Variants in GTPBP4 observed in about 807,000 individuals in gnomAD.
The protein encoded by GTPBP4 is GTP binding protein 4.
In GTPBP4, 15 loss-of-function variants were observed where a neutral mutation model predicts 81.7. That is an observed-to-expected ratio of 0.18 (90% CI 0.12 to 0.28). GTPBP4 has a LOEUF of 0.28. Ranked by LOEUF, GTPBP4 falls within the 10% of genes least tolerant of loss-of-function variation. The probability of loss-of-function intolerance (pLI) is 1.00; values close to 1 mark genes in which losing one functional copy is unlikely to be tolerated. For synonymous variants in GTPBP4, 272 were observed against 274.6 expected, an observed-to-expected ratio of 0.99 and a Z score of 0.09; for missense variants, 847 against 793.8, an observed-to-expected ratio of 1.07 and a Z score of -0.81.
chr10:1,013,278 C>T (rs1589032025), intron 14 of GTPBP4, among the ~76,000 whole-genome samples: 2 of 151,670 alleles, frequency 1.3e-5, no homozygotes, highest in South Asian at 4.2e-4. Context: ...GCCACCACGC[C>T]CGGCTGGTTT....
chr10:1,000,750 C>T lies in GTPBP4; in HGVS notation c.728C>T (p.Ala243Val). ...RNTIEMQAIT[A>V]LAHLRAAVLY... The stretch of plus-strand genomic sequence containing the variant: ...ACCATCGAGATGCAGGCCATCACTG[C>T]CCTGGCCCACCTCCGTGCTGCGGTC... The change falls in exon 7 of 17, where the codon GCC (alanine) becomes GTC (valine). Residue 243 changes from alanine to valine, a missense_variant. This residue lies in a region of GTPBP4 where 600 missense variants were observed against 557.1 expected (regional missense o/e 1.08). Transcript: ENST00000360803. 1.2e-6 allele frequency: 2 copies of T among 1,602,388 alleles called. No individual in the cohort carries two copies. The highest frequency in any genetic ancestry group is 1.3e-5 in the African/African-American group (1 of 74,774).
chr10:1,007,415 A>T, intron 10 of GTPBP4: 1 of 278,306 alleles, frequency 3.6e-6, no homozygotes, highest in Non-Finnish European at 6.8e-6. Flanking sequence ...TTAAACACAG[A>T]TGGAAATCTG....
chr10:1,009,684 A>G (rs1315287618), intron 12 of GTPBP4, 104 bp downstream of exon 12: 18 of 786,868 alleles, frequency 2.3e-5, no homozygotes, highest in South Asian at 2.2e-4. Flanking sequence ...GTTTCAGCCT[A>G]TTTGTCAACT....
At chr10:1,007,583 A>C (rs1335611392) in intron 10 of GTPBP4, among the ~76,000 whole-genome samples, 2 of 152,242 alleles carry the variant, frequency 1.3e-5, no homozygotes, top group East Asian at 3.8e-4. Flanking sequence ...AAAAATAAAT[A>C]AAATAAATTT....
In GTPBP4 at chr10:1,012,664, C is replaced by T. The variant is rs750232306; in HGVS notation, c.1542+2C>T. On this transcript the variant is annotated splice_donor_variant, in intron 14 of 16. Coordinates refer to ENST00000360803, the MANE Select transcript of GTPBP4 (RefSeq NM_012341.3). LOFTEE classifies it low-confidence loss of function (GC_TO_GT_DONOR). ...AGGATGCCGCGAACTGCTAAGAAGG[C>T]AAGTTTGTGTCTTTCCAAAGCAGTG... 4 of 1,606,020 alleles carry T rather than the reference C, an allele frequency of 2.5e-6. No individual in the cohort carries two copies. The East Asian group carries it at 6.7e-5, about 27-fold the overall frequency.
At chr10:992,852 C>T (rs1831468956) in intron 2 of GTPBP4, among the ~76,000 whole-genome samples, 193 bp downstream of exon 2, 1 of 151,980 alleles carries the variant, frequency 6.6e-6, no homozygotes, top group South Asian at 2.1e-4. Context: ...TTTTTGATTC[C>T]CTAGTATTCT....
At chr10:995,488 A>G (rs1831522620) in intron 2 of GTPBP4, among the ~76,000 whole-genome samples, 2 of 89,936 alleles carry the variant, frequency 2.2e-5, no homozygotes, top group African/African-American at 9.5e-5. Context: ...GGAGAGACAC[A>G]GTGTGTCTTG....
rs11250223 is a variant in GTPBP4, at chr10:1,016,965, C to T, written c.1753-110C>T. ...GAAAAGAGATGTAACAGGGTCTCTTCGCTGAGCAGACCTGAGCCATTAAAC... is the reference window on the plus strand; with the variant it reads ...GAAAAGAGATGTAACAGGGTCTCTTTGCTGAGCAGACCTGAGCCATTAAAC... On this transcript the variant is annotated intron_variant, in intron 16 of 16. Transcript: ENST00000360803. 2,233 of 790,152 alleles carry T rather than the reference C, an allele frequency of 2.8e-3. 7 individuals are homozygous for T. The highest frequency in any genetic ancestry group is 4.0e-3 in the Non-Finnish European group (1,991 of 492,286). 48.9% of individuals were successfully genotyped at this position (790,152 alleles called of 1,614,324 possible).
rs1482089750 is a variant in GTPBP4 at position 1,008,997 on chromosome 10, A to G, written c.1153A>G (p.Arg385Gly). Residue 385 changes from arginine to glycine, a missense_variant, in exon 11 of 17, where the codon AGG (arginine) becomes GGG (glycine). Arg to Gly is a moderately radical substitution (Grantham distance 125). This residue lies in a region of GTPBP4 where 600 missense variants were observed against 557.1 expected (regional missense o/e 1.08). Coordinates refer to ENST00000360803, the MANE Select transcript of GTPBP4 (RefSeq NM_012341.3). ...PFIPEGVVAR[R>G]KRMETEESRK... is the part of the protein sequence containing the mutation. ...CATCCCTGAAGGAGTGGTGGCTCGC[A>G]GGAAGAGGATGGAAACTGAGGAGTC... 2 of 1,613,200 alleles carry G rather than the reference A, an allele frequency of 1.2e-6. No homozygotes were observed. The highest frequency in any genetic ancestry group is 1.1e-5 in the South Asian group (1 of 91,060).
At chr10:1,004,992 G>A (rs919093491) in intron 8 of GTPBP4, among the ~76,000 whole-genome samples, 25 of 152,306 alleles carry the variant, frequency 1.6e-4, no homozygotes, top group Non-Finnish European at 7.4e-5. Flanking sequence ...AGGGGGCTCC[G>A]GTGGTGAGGG....
At chr10:998,463 A>T (rs1325770370) in intron 5 of GTPBP4, among the ~76,000 whole-genome samples, 1 of 152,224 alleles carries the variant, frequency 6.6e-6, no homozygotes, top group Admixed American at 6.5e-5. Flanking sequence ...TTGCTGTGAC[A>T]TGGTGACCAG....
Position 1,000,783 on chromosome 10 carries a change from T to C in GTPBP4, c.761T>C (p.Val254Ala). ...LAHLRAAVLY[V>A]MDLSEQCGHG... ...CACCTCCGTGCTGCGGTCCTGTATG[T>C]GATGGATTTGTCTGAGCAGTGTGGG... The change falls in exon 7 of 17, where the codon GTG (valine) becomes GCG (alanine). Residue 254 changes from valine to alanine, a missense_variant. By Grantham distance (64) the Val-to-Ala change is moderately conservative. This residue lies in a region of GTPBP4 where 600 missense variants were observed against 557.1 expected (regional missense o/e 1.08). Transcript: ENST00000360803. The C allele has an allele frequency of 6.2e-7, 1 of 1,610,944 alleles. No individual in the cohort carries two copies. Among genetic ancestry groups the C allele is most frequent in the East Asian group, 2.2e-5 (1 of 44,836 alleles).
chr10:1,011,238 G>C (rs370723605), intron 13 of GTPBP4, among the ~76,000 whole-genome samples: 308 of 151,578 alleles, frequency 2.0e-3, no homozygotes, highest in African/African-American at 7.0e-3. Context: ...TGCTGTGCTG[G>C]ACCCTCTTCC....
intron 5 of GTPBP4, 39 bp from the exon 6 acceptor site, chr10:998,964 A>T: frequency 9.2e-7 from 1 of 1,081,558 alleles, no homozygotes; most frequent in Non-Finnish European, 1.4e-6. Flanking sequence ...GTGTACACAG[A>T]GGAAATGAGG....
chr10:996,269 G>T (rs201389586), intron 4 of GTPBP4, 27 bp downstream of exon 4: 4 of 1,591,414 alleles, frequency 2.5e-6, no homozygotes, highest in Non-Finnish European at 3.4e-6. Flanking sequence ...CGCGGGAACC[G>T]TGCTAGCATC....
intron 6 of GTPBP4, among the ~76,000 whole-genome samples, 167 bp downstream of exon 6, chr10:999,262 G>A (rs1002067873): frequency 6.6e-6 from 1 of 152,098 alleles, no homozygotes; most frequent in Non-Finnish European, 1.5e-5. Context: ...GGGATTACAG[G>A]TGCACACCAC....
intron 12 of GTPBP4, among the ~76,000 whole-genome samples, chr10:1,009,822 C>G (rs1253070305): frequency 6.6e-6 from 1 of 152,176 alleles, no homozygotes; most frequent in Non-Finnish European, 1.5e-5. Flanking sequence ...TGGCAGAACC[C>G]CGTCTCTACA....
Position 1,012,667 on chromosome 10 carries a change from GT to G in GTPBP4, c.1542+8del. The G allele has an allele frequency of 1.9e-6, 3 of 1,604,992 alleles. No homozygotes were observed. The highest frequency in any genetic ancestry group is 2.6e-6 in the Non-Finnish European group (3 of 1,173,350). ...ATGCCGCGAACTGCTAAGAAGGCAAGTTTGTGTCTTTCCAAAGCAGTGTGAT... is the reference window on the plus strand; with the variant it reads ...ATGCCGCGAACTGCTAAGAAGGCAAGTTGTGTCTTTCCAAAGCAGTGTGAT... On this transcript the variant is annotated splice_donor_region_variant and intron_variant, in intron 14 of 16. Transcript: ENST00000360803.
intron 16 of GTPBP4, among the ~76,000 whole-genome samples, chr10:1,016,505 G>A (rs1408268513): frequency 6.6e-6 from 1 of 152,232 alleles, no homozygotes; most frequent in Non-Finnish European, 1.5e-5. Flanking sequence ...TCTCCTTCAT[G>A]GAAGCCTGAG....
Sources: gnomAD v4.1 joint callset for allele counts (sites outside exome capture counted in the v4.1 genomes callset) on GRCh38, gnomAD v4.1.1 for gene constraint, gnomAD v4.1.1 regional missense constraint, MANE v1.5 for transcripts, NCBI Gene and HGNC (gene_info 2026-07-23, HGNC 2026-07-21) for gene names.